Variants in TFCP2 observed in about 807,000 individuals in gnomAD.
TFCP2 encodes the protein alpha-globin transcription factor CP2.
TFCP2 carries 33 observed loss-of-function variants against 73.4 expected under a neutral mutation model. The ratio of observed to expected loss-of-function variants is 0.45; its 90% CI spans 0.34 to 0.60. The LOEUF is 0.60. Among genes scored for constraint, TFCP2 ranks in the 20% least tolerant of loss-of-function variants. TFCP2 has a pLI of 0.01. For synonymous variants in TFCP2, 193 were observed against 211.6 expected (o/e 0.91, Z 0.76); for missense variants, 352 against 604.0 (o/e 0.58, Z 4.37).
chr12:51,148,471 G>T (rs1039993581), intron 1 of TFCP2, among the ~76,000 whole-genome samples: 3 of 152,264 alleles, frequency 2.0e-5, no homozygotes, highest in Admixed American at 6.5e-5. Context: ...GGGAGGCGAG[G>T]CGGGCGGATC....
intron 1 of TFCP2, among the ~76,000 whole-genome samples, chr12:51,150,251 C>T (rs1466266059): frequency 1.3e-5 from 2 of 152,008 alleles, no homozygotes; most frequent in African/African-American, 4.8e-5. Context: ...AACCTCTTCT[C>T]TACTGAAAAT....
intron 2 of TFCP2, 133 bp from the exon 3 acceptor site, chr12:51,117,880 C>A: frequency 4.9e-6 from 3 of 607,050 alleles, no homozygotes; most frequent in Non-Finnish European, 8.5e-6. Context: ...CAATCAGAAG[C>A]CTTTACAAGA....
intron 1 of TFCP2, among the ~76,000 whole-genome samples, chr12:51,137,404 CT>C (rs1207500628): frequency 4.0e-4 from 61 of 152,264 alleles, no homozygotes; most frequent in African/African-American, 1.3e-3. Flanking sequence ...TGAAAAGTAT[CT>C]GTGTCAGATA....
chr12:51,144,330 A>G (rs1941247731), intron 1 of TFCP2, among the ~76,000 whole-genome samples: 1 of 152,146 alleles, frequency 6.6e-6, no homozygotes, highest in Admixed American at 6.6e-5. Context: ...CACTGCACCC[A>G]GCCATTCTAA....
intron 5 of TFCP2, 123 bp from the exon 6 acceptor site, chr12:51,109,396 CT>C: frequency 1.1e-6 from 1 of 905,866 alleles, no homozygotes; most frequent in Non-Finnish European, 1.7e-6. Context: ...ACAAAAAACA[CT>C]TTTCCTCTTT....
At chr12:51,170,604 C>T (rs1402346927) in intron 1 of TFCP2, among the ~76,000 whole-genome samples, 1 of 151,958 alleles carries the variant, frequency 6.6e-6, no homozygotes, top group African/African-American at 2.4e-5. Context: ...GGATTACAGG[C>T]ATGATTATTA....
chr12:51,156,769 T>C (rs1420355686), intron 1 of TFCP2: 2 of 152,224 alleles, frequency 1.3e-5, no homozygotes, highest in Admixed American at 6.6e-5. Flanking sequence ...TATTTCTTAG[T>C]AGTTTAGTCT....
chr12:51,167,852 G>A (rs894995076), intron 1 of TFCP2, among the ~76,000 whole-genome samples: 3 of 152,036 alleles, frequency 2.0e-5, no homozygotes, highest in Non-Finnish European at 2.9e-5. Flanking sequence ...CTTAAGGTCG[G>A]GAGTTAGAGA....
chr12:51,169,331 T>C (rs1310804804), intron 1 of TFCP2, among the ~76,000 whole-genome samples: 2 of 151,558 alleles, frequency 1.3e-5, no homozygotes, highest in African/African-American at 2.4e-5. Flanking sequence ...TGAAACCCCA[T>C]CTCTACTAAA....
intron 1 of TFCP2, chr12:51,124,688 G>C (rs769123911): frequency 1.5e-6 from 1 of 648,056 alleles, no homozygotes; most frequent in Non-Finnish European, 2.9e-6. Flanking sequence ...CGTCCCCCGC[G>C]GTGGCCAGTG....
In TFCP2 at chr12:51,136,302, T is replaced by TA. The variant is rs11312082; in HGVS notation, c.123-17531dup. ...CCAGCCAACAGTGTGAGACTCTAAA[T>TA]AAAAAAAAAAAAAAAGAAAAAGAAA... On this transcript the variant is annotated intron_variant, in intron 1 of 14. Transcript: ENST00000257915. 2.6e-3 allele frequency among the ~76,000 whole-genome samples: 352 copies of TA among 136,716 alleles called. 1 individual carries two copies. Among genetic ancestry groups the TA allele is most frequent in the African/African-American group, 8.3e-3 (307 of 36,920 alleles). The allele number at this position is 136,716 out of a possible 152,430, so 89.7% of individuals were successfully genotyped here. A position where few individuals can be genotyped will look rare whatever the true frequency, so the allele number is the denominator to read the frequency against.
intron 1 of TFCP2, among the ~76,000 whole-genome samples, chr12:51,137,140 T>C (rs1029187087): frequency 6.6e-6 from 1 of 152,166 alleles, no homozygotes; most frequent in African/African-American, 2.4e-5. Context: ...TTCAGCACGA[T>C]TATGAGATCA....
chr12:51,156,694 T>C (rs1255873257), intron 1 of TFCP2, among the ~76,000 whole-genome samples: 2 of 152,242 alleles, frequency 1.3e-5, no homozygotes, highest in East Asian at 1.9e-4. Context: ...CAGAGATTTC[T>C]TTGTTGGGAC....
At chr12:51,099,609 C>T in intron 12 of TFCP2, 46 bp downstream of exon 12, 1 of 1,601,730 alleles carries the variant, frequency 6.2e-7, no homozygotes. Context: ...TAAGTTATCT[C>T]TTCACCTTTC....
chr12:51,124,913 G>A (rs1339931447), intron 1 of TFCP2: 7 of 907,152 alleles, frequency 7.7e-6, no homozygotes, highest in Admixed American at 5.1e-5. Context: ...TCAAGGACAC[G>A]TCGTCCAGGA....
intron 1 of TFCP2, among the ~76,000 whole-genome samples, chr12:51,130,247 G>A (rs1011915626): frequency 6.6e-6 from 1 of 152,180 alleles, no homozygotes; most frequent in Non-Finnish European, 1.5e-5. Flanking sequence ...CGAGGTGGGT[G>A]GATCACCTGA....
chr12:51,099,539 A>G, intron 12 of TFCP2, 116 bp downstream of exon 12: 1 of 1,349,766 alleles, frequency 7.4e-7, no homozygotes, highest in Admixed American at 2.0e-5. Flanking sequence ...GCTAGTGATT[A>G]TTGTTACTTC....
rs542434623 is a variant in TFCP2 at position 51,135,265 on chromosome 12, A to T, written c.123-16493T>A. Among the ~76,000 whole-genome samples the T allele has an allele frequency of 1.5e-3, 224 of 152,038 alleles. 6 individuals are homozygous for T. Among genetic ancestry groups the T allele is most frequent in the East Asian group, 5.8e-4 (3 of 5,172 alleles). ...AACGTAGTGAAACCCCATCTCTACTAAAAATATAAAAATTAGCCAGGGGTT... is the reference window on the plus strand; with the variant it reads ...AACGTAGTGAAACCCCATCTCTACTTAAAATATAAAAATTAGCCAGGGGTT... On this transcript the variant is annotated intron_variant, in intron 1 of 14. Coordinates refer to ENST00000257915, the MANE Select transcript of TFCP2 (RefSeq NM_005653.5).
chr12:51,114,095 C>A (rs1409881325), intron 4 of TFCP2, among the ~76,000 whole-genome samples: 1 of 152,066 alleles, frequency 6.6e-6, no homozygotes, highest in East Asian at 1.9e-4. Flanking sequence ...ATAAATTGGA[C>A]CACCTCAATG....
Sources: gnomAD v4.1 joint callset for allele counts (sites outside exome capture counted in the v4.1 genomes callset) on GRCh38, gnomAD v4.1.1 for gene constraint, MANE v1.5 for transcripts, NCBI Gene and HGNC (gene_info 2026-07-23, HGNC 2026-07-21) for gene names.